MAPKAP1: variants seen among roughly 807,000 people sequenced by gnomAD.
MAPKAP1 encodes target of rapamycin complex 2 subunit MAPKAP1.
In MAPKAP1, 20 loss-of-function variants were observed where a neutral mutation model predicts 65.7. That is an observed-to-expected ratio of 0.30 (90% CI 0.21 to 0.44). The LOEUF is 0.44. Ranked by LOEUF, MAPKAP1 falls within the 20% of genes least tolerant of loss-of-function variation. The probability of loss-of-function intolerance (pLI) is 1.00; values close to 1 mark genes in which losing one functional copy is unlikely to be tolerated. For missense variants in MAPKAP1, 423 were observed against 648.0 expected (o/e 0.65, Z 3.77); for synonymous variants, 222 against 244.3 (o/e 0.91, Z 0.85).
chr9:125,549,795 T>A (rs1396594722), intron 6 of MAPKAP1, among the ~76,000 whole-genome samples: 1 of 152,178 alleles, frequency 6.6e-6, no homozygotes, highest in Non-Finnish European at 1.5e-5. Flanking sequence ...GAGATGCCAG[T>A]AAGAGAGACA....
chr9:125,587,225 A>C (rs919690174), intron 4 of MAPKAP1, among the ~76,000 whole-genome samples: 1 of 152,242 alleles, frequency 6.6e-6, no homozygotes, highest in African/African-American at 2.4e-5. Context: ...TGACACCAAA[A>C]GCATAAATAA....
At chr9:125,534,769 C>G (rs2133148398) in intron 7 of MAPKAP1, among the ~76,000 whole-genome samples, 1 of 151,912 alleles carries the variant, frequency 6.6e-6, no homozygotes, top group Middle Eastern at 3.4e-3. Context: ...ACGACCACAG[C>G]AGCCTGAACA....
At position 125,606,663 on chromosome 9, in the gene MAPKAP1, T is replaced by TATGA. The variant is rs368599174; in HGVS notation, c.499-20937_499-20936insTCAT. Among the ~76,000 whole-genome samples, 412 of 152,326 alleles carry TATGA rather than the reference T, an allele frequency of 2.7e-3. 2 individuals are homozygous for TATGA. Among genetic ancestry groups the TATGA allele is most frequent in the African/African-American group, 9.1e-3 (380 of 41,560 alleles). On this transcript the variant is annotated intron_variant, in intron 4 of 11. Transcript: ENST00000265960. ...GCAGAGTCTAGGTTCTTTGTTTTCA[T>TATGA]TCTCTACATGCCTTTCTGAAAGAGC...
intron 5 of MAPKAP1, among the ~76,000 whole-genome samples, chr9:125,570,537 T>C (rs1432308138): frequency 1.3e-5 from 2 of 152,268 alleles, no homozygotes; most frequent in African/African-American, 4.8e-5. Flanking sequence ...ACACCTAGTG[T>C]AGAATTAAAA....
At position 125,595,727 on chromosome 9, in the gene MAPKAP1, T is replaced by G. The variant is rs1354968673; in HGVS notation, c.499-10000A>C. 6.5e-7 allele frequency: 1 copy of G among 1,535,128 alleles called. No homozygotes were observed. The highest frequency in any genetic ancestry group is 8.8e-7 in the Non-Finnish European group (1 of 1,129,964). ...GCTAAGGAATCTCTTCATTGGAGGG[T>G]TGAGCTTTGAAACAACCAATGAGAG... is the stretch of plus-strand genomic sequence containing the variant. On this transcript the variant is annotated intron_variant, in intron 4 of 11. Coordinates refer to ENST00000265960, the MANE Select transcript of MAPKAP1 (RefSeq NM_001006617.3). This position sits in a 1 kb window ranked among gnomAD's most constrained non-coding sequence, Gnocchi z 4.0.
At chr9:125,455,184 C>T (rs551317526) in intron 10 of MAPKAP1, among the ~76,000 whole-genome samples, 83 of 152,278 alleles carry the variant, frequency 5.5e-4, no homozygotes, top group African/African-American at 1.9e-3. Context: ...CTTCTCTGAG[C>T]CCCAGTTAAC....
At chr9:125,704,077 T>C (rs75392197) in intron 1 of MAPKAP1, among the ~76,000 whole-genome samples, 6,976 of 152,280 alleles carry the variant, frequency 0.046, 510 homozygotes, top group African/African-American at 0.16. Flanking sequence ...TCACAATGAC[T>C]GGCACACTGA....
chr9:125,532,268 C>T (rs1271076082), intron 7 of MAPKAP1, among the ~76,000 whole-genome samples: 1 of 152,184 alleles, frequency 6.6e-6, no homozygotes, highest in Non-Finnish European at 1.5e-5. Context: ...TAATGCCCAT[C>T]TCACAAGGTC....
At chr9:125,527,662 GCTTTT>G (rs1416649358) in intron 7 of MAPKAP1, among the ~76,000 whole-genome samples, 3 of 152,110 alleles carry the variant, frequency 2.0e-5, no homozygotes, top group Admixed American at 6.5e-5. Flanking sequence ...AAGTGAGTTT[GCTTTT>G]CTTTTCTTTT....
chr9:125,488,142 TCCCATTTGAGGATTTAAGTCC>T (rs1378217990), intron 8 of MAPKAP1, among the ~76,000 whole-genome samples: 1 of 152,166 alleles, frequency 6.6e-6, no homozygotes, highest in East Asian at 1.9e-4. Context: ...TAAATTCATA[TCCCATTTGAGGATTTAAGTCC>T]CCCCGATACC....
chr9:125,698,915 G>A (rs1170624136), intron 1 of MAPKAP1, among the ~76,000 whole-genome samples: 1 of 152,094 alleles, frequency 6.6e-6, no homozygotes, highest in Admixed American at 6.5e-5. Context: ...CAAATTTCAT[G>A]ATCCAGACAT....
At chr9:125,485,485 G>A (rs776700525) in intron 8 of MAPKAP1, among the ~76,000 whole-genome samples, 7 of 152,202 alleles carry the variant, frequency 4.6e-5, no homozygotes, top group Non-Finnish European at 7.3e-5. Flanking sequence ...CCAGGCAATC[G>A]GGGCAGCCCA....
At chr9:125,558,458 A>T (rs1381415847) in intron 6 of MAPKAP1, among the ~76,000 whole-genome samples, 1 of 152,180 alleles carries the variant, frequency 6.6e-6, no homozygotes, top group Non-Finnish European at 1.5e-5. Flanking sequence ...GTACTCAGTT[A>T]TTCTTTCTTT....
rs1371596131 is a variant in MAPKAP1, at chr9:125,669,886, C to T, written c.281G>A (p.Arg94Gln). 1.9e-6 allele frequency: 3 copies of T among 1,595,314 alleles called. No homozygotes were observed. Among genetic ancestry groups the T allele is most frequent in the East Asian group, 2.3e-5 (1 of 44,216 alleles). ...SNTAQRLERLRKERQNQIKCK... is the reference protein window; with the variant it reads ...SNTAQRLERLQKERQNQIKCK... Reference sequence around the variant, plus strand: ...TTTGATCTGGTTTTGTCTCTCTTTTCGGAGTCGTTCTAATCTTTGAGCTTG... The same window carrying T: ...TTTGATCTGGTTTTGTCTCTCTTTTTGGAGTCGTTCTAATCTTTGAGCTTG... Residue 94 changes from arginine to glutamine, a missense_variant, in exon 3 of 12, where the codon CGA becomes CAA. Around this residue, in one of 6 missense-constraint regions of MAPKAP1, gnomAD observed 67 missense variants for 69.6 expected, o/e 0.96. Coordinates refer to ENST00000265960, the MANE Select transcript of MAPKAP1 (RefSeq NM_001006617.3).
At chr9:125,623,149 C>A (rs1228830372) in intron 4 of MAPKAP1, among the ~76,000 whole-genome samples, 1 of 142,828 alleles carries the variant, frequency 7.0e-6, no homozygotes, top group Non-Finnish European at 1.5e-5. Flanking sequence ...CTCACGACAA[C>A]CTACACCTCC....
At chr9:125,562,602 C>CTG (rs1830923740) in intron 5 of MAPKAP1, among the ~76,000 whole-genome samples, 1 of 152,170 alleles carries the variant, frequency 6.6e-6, no homozygotes, top group African/African-American at 2.4e-5. Flanking sequence ...AAAGAAGCTA[C>CTG]TGTGATATTT....
chr9:125,561,475 G>A (rs1013392148), intron 5 of MAPKAP1, among the ~76,000 whole-genome samples: 2 of 152,206 alleles, frequency 1.3e-5, no homozygotes, highest in African/African-American at 4.8e-5. Flanking sequence ...TCAGGTATTT[G>A]TAATGCTGTT....
At chr9:125,686,311 CAAA>C (rs35807247) in intron 1 of MAPKAP1, among the ~76,000 whole-genome samples, 2 of 56,958 alleles carry the variant, frequency 3.5e-5, no homozygotes, top group Admixed American at 2.0e-4. Flanking sequence ...GACTCTGTCT[CAAA>C]AAAAAAAAAA....
At chr9:125,525,967 G>A (rs1039365616) in intron 7 of MAPKAP1, among the ~76,000 whole-genome samples, 1 of 152,184 alleles carries the variant, frequency 6.6e-6, no homozygotes, top group Non-Finnish European at 1.5e-5. Context: ...TCTCAGAAGA[G>A]GAGAATGCAC....
Sources: gnomAD v4.1 joint callset for allele counts (sites outside exome capture counted in the v4.1 genomes callset) on GRCh38, gnomAD v4.1.1 for gene constraint, gnomAD v4.1.1 regional missense constraint, Gnocchi (gnomAD v3.1) non-coding constraint, MANE v1.5 for transcripts, NCBI Gene and HGNC (gene_info 2026-07-23, HGNC 2026-07-21) for gene names.